The following DOCK10 variants were observed in gnomAD, a reference collection of about 807,000 sequenced individuals.
The protein encoded by DOCK10 is dedicator of cytokinesis 10, also known as dedicator of cytokinesis protein 10.
DOCK10 carries 145 observed loss-of-function variants against 280.1 expected under a neutral mutation model. The observed-to-expected ratio is 0.52, with a 90% CI of 0.45 to 0.59. The LOEUF (loss-of-function observed/expected upper bound fraction) is 0.59, where lower values mean the gene tolerates loss of function less well. DOCK10 is among the 20% of genes least tolerant of loss of function. The pLI is 0.00. For synonymous variants in DOCK10, 915 were observed against 942.2 expected (o/e 0.97, Z 0.53); for missense variants, 2,368 against 2,651.7 (o/e 0.89, Z 2.35).
intron 1 of DOCK10, among the ~76,000 whole-genome samples, chr2:224,944,215 C>T (rs1258732055): frequency 6.6e-6 from 1 of 152,132 alleles, no homozygotes. Context: ...ATCTGGGACC[C>T]CAAGCACTCA....
intron 1 of DOCK10, chr2:224,983,813 C>T: frequency 2.1e-6 from 1 of 470,992 alleles, no homozygotes; most frequent in South Asian, 1.5e-5. Flanking sequence ...TTTAGTGCTG[C>T]TGGAAAAAGA....
chr2:225,034,256 ATG>A (rs1265492406), intron 1 of DOCK10, among the ~76,000 whole-genome samples: 1 of 152,170 alleles, frequency 6.6e-6, no homozygotes, highest in Non-Finnish European at 1.5e-5. Flanking sequence ...GAGTCAGACT[ATG>A]TGATTGTGAC....
intron 3 of DOCK10, among the ~76,000 whole-genome samples, chr2:224,903,971 T>A (rs1359095070): frequency 6.6e-6 from 1 of 152,216 alleles, no homozygotes; most frequent in East Asian, 1.9e-4. Flanking sequence ...CCAGATATAT[T>A]TTATCCTAAG....
At chr2:224,930,893 A>AT (rs1559794777) in intron 2 of DOCK10, among the ~76,000 whole-genome samples, 2 of 152,246 alleles carry the variant, frequency 1.3e-5, no homozygotes, top group African/African-American at 4.8e-5. Flanking sequence ...ACAAGGTAAC[A>AT]GTATTTTATG....
At chr2:224,811,237 G>C (rs1310621712) in intron 31 of DOCK10, among the ~76,000 whole-genome samples, 1 of 152,176 alleles carries the variant, frequency 6.6e-6, no homozygotes. Flanking sequence ...GATGGCCAGT[G>C]ACGATGAGCA....
In DOCK10 at chr2:224,969,236, A is replaced by G. The variant is rs113080233; in HGVS notation, c.124-37568T>C. On this transcript the variant is annotated intron_variant, in intron 1 of 55. Coordinates refer to ENST00000258390, the MANE Select transcript of DOCK10 (RefSeq NM_014689.3). ...ACTCACTCAGTGATGATATCACTCC[A>G]CAATCCTAACGTTTCTCCTTTCAAT... Among the ~76,000 whole-genome samples the G allele has an allele frequency of 4.3e-3, 655 of 152,296 alleles. 5 individuals carry two copies. Among genetic ancestry groups the G allele is most frequent in the African/African-American group, 0.014 (595 of 41,574 alleles).
intron 55 of DOCK10, among the ~76,000 whole-genome samples, chr2:224,768,717 T>A (rs922381300): frequency 4.6e-5 from 7 of 152,180 alleles, no homozygotes; most frequent in Non-Finnish European, 8.8e-5. Flanking sequence ...CCCATTGACC[T>A]ACCTTGAAAT....
chr2:224,959,165 T>C (rs1042171197), intron 1 of DOCK10, among the ~76,000 whole-genome samples: 1 of 152,174 alleles, frequency 6.6e-6, no homozygotes, highest in African/African-American at 2.4e-5. Context: ...TGATAAGCCA[T>C]TTCTTTTTTT....
chr2:224,909,746 TACAC>T, intron 3 of DOCK10, among the ~76,000 whole-genome samples: 1 of 152,234 alleles, frequency 6.6e-6, no homozygotes, highest in African/African-American at 2.4e-5. Context: ...AGTTTTCACA[TACAC>T]ACAATGTATA....
intron 31 of DOCK10, among the ~76,000 whole-genome samples, chr2:224,811,196 A>G (rs528667338): frequency 6.6e-6 from 1 of 152,312 alleles, no homozygotes; most frequent in South Asian, 2.1e-4. Flanking sequence ...GTGAGATGAT[A>G]TCTCATTGTG....
Position 224,775,183 on chromosome 2 carries a change from A to G in DOCK10, c.5803-68T>C, listed in dbSNP as rs1690750018. ...AGCGCTCTGAAAGCGGGAAGCTCCCATTCCCTCAGCTTGCATCCAGAGGAG... is the reference window on the plus strand; with the variant it reads ...AGCGCTCTGAAAGCGGGAAGCTCCCGTTCCCTCAGCTTGCATCCAGAGGAG... On this transcript the variant is annotated intron_variant, in intron 51 of 55. Transcript: ENST00000258390. 5 of 1,438,068 alleles carry G rather than the reference A, an allele frequency of 3.5e-6. 1 individual carries two copies. Among genetic ancestry groups the G allele is most frequent in the South Asian group, 2.3e-5 (2 of 85,546 alleles). The allele number at this position is 1,438,068 out of a possible 1,614,324, so 89.1% of individuals were successfully genotyped here.
chr2:224,959,270 A>G (rs1457825735), intron 1 of DOCK10, among the ~76,000 whole-genome samples: 7 of 102,252 alleles, frequency 6.8e-5, no homozygotes, highest in Admixed American at 6.0e-4. Flanking sequence ...TGATAGGTTG[A>G]GTGACCTCAG....
At chr2:224,921,112 A>AAAAAAAAAAAAATATATATATATATATAT in intron 2 of DOCK10, among the ~76,000 whole-genome samples, 1 of 54,416 alleles carries the variant, frequency 1.8e-5, no homozygotes, top group African/African-American at 1.6e-4. Flanking sequence ...AAAAAAAAAA[A>AAAAAAAAAAAAATATATATATATATATAT]ATATATATAT....
At position 224,796,854 on chromosome 2, in the gene DOCK10, G is replaced by A. The variant is rs1003779819; in HGVS notation, c.4827+110C>T. ...TGCTGTGGGCGTCTTTAAGGAGGAC[G>A]CTAGTGGAGGAGTTAGTGACGGCTT... On this transcript the variant is annotated intron_variant, in intron 43 of 55. Coordinates refer to ENST00000258390, the MANE Select transcript of DOCK10 (RefSeq NM_014689.3). 6 of 946,572 alleles carry A rather than the reference G, an allele frequency of 6.3e-6. No individual in the cohort carries two copies. The African/African-American group carries it at 8.2e-5, about 13-fold the overall frequency. The allele number at this position is 946,572 out of a possible 1,614,324, so 58.6% of individuals were successfully genotyped here.
chr2:224,874,163 T>C lies in DOCK10; in HGVS notation c.1102-12A>G. On this transcript the variant is annotated splice_polypyrimidine_tract_variant and intron_variant, in intron 10 of 55. Coordinates refer to ENST00000258390, the MANE Select transcript of DOCK10 (RefSeq NM_014689.3). ...TGAAGTTTCAAGGTCTAAAAAAGTT[T>C]TGAATGAGTCACCAAACATCCAACA... The C allele has an allele frequency of 6.3e-7, 1 of 1,581,922 alleles. No individual in the cohort carries two copies. Among genetic ancestry groups the C allele is most frequent in the Non-Finnish European group, 8.6e-7 (1 of 1,164,524 alleles).
chr2:224,885,599 T>G, intron 7 of DOCK10, 72 bp downstream of exon 7: 1 of 1,447,042 alleles, frequency 6.9e-7, no homozygotes, highest in Non-Finnish European at 9.2e-7. Flanking sequence ...TATCAGATAC[T>G]CCATGAATAT....
At chr2:224,843,472 T>A (rs1696116512) in intron 22 of DOCK10, among the ~76,000 whole-genome samples, 2 of 152,148 alleles carry the variant, frequency 1.3e-5, no homozygotes, top group African/African-American at 4.8e-5. Flanking sequence ...CCAGGGCTGA[T>A]GGCATCAGAG....
chr2:224,966,051 T>C (rs959269575), intron 1 of DOCK10, among the ~76,000 whole-genome samples: 1 of 152,254 alleles, frequency 6.6e-6, no homozygotes, highest in African/African-American at 2.4e-5. Context: ...ACTTACTATC[T>C]ATAGCAGAAT....
At chr2:225,004,234 A>G (rs919016746) in intron 1 of DOCK10, among the ~76,000 whole-genome samples, 8 of 152,252 alleles carry the variant, frequency 5.3e-5, no homozygotes, top group Non-Finnish European at 1.0e-4. Flanking sequence ...CGTAAATCCA[A>G]TGAAAAGTGT....
Sources: allele counts gnomAD v4.1 joint callset (sites outside exome capture counted in the v4.1 genomes callset), GRCh38; gene constraint gnomAD v4.1.1; transcripts MANE v1.5; gene names NCBI Gene and HGNC (gene_info 2026-07-23, HGNC 2026-07-21).